VIRMA: variants seen among roughly 807,000 people sequenced by gnomAD.
VIRMA encodes the protein vir like m6A methyltransferase associated.
VIRMA carries 65 observed loss-of-function variants against 182.4 expected under a neutral mutation model. The ratio of observed to expected loss-of-function variants is 0.36; its 90% confidence interval spans 0.29 to 0.44. The LOEUF is 0.44. VIRMA is among the 20% of genes least tolerant of loss of function. The pLI, the probability that VIRMA is intolerant of heterozygous loss-of-function variation, is 1.00. For missense variants in VIRMA, 1,752 were observed against 2,158.1 expected (o/e 0.81, Z 3.73); for synonymous variants, 709 against 743.1 (o/e 0.95, Z 0.75).
chr8:94,509,302 G>A (rs886550583), intron 15 of VIRMA, among the ~76,000 whole-genome samples: 1 of 151,980 alleles, frequency 6.6e-6, no homozygotes, highest in Non-Finnish European at 1.5e-5. Context: ...TCAGGAGGCT[G>A]AGGCAGGAGA....
At chr8:94,503,674 G>A (rs1478827469) in intron 16 of VIRMA, among the ~76,000 whole-genome samples, 1 of 152,016 alleles carries the variant, frequency 6.6e-6, no homozygotes, top group Admixed American at 6.5e-5. Flanking sequence ...TCTTAGTTTT[G>A]GTAAGTATTA....
At chr8:94,540,676 G>A (rs1815519064) in intron 2 of VIRMA, among the ~76,000 whole-genome samples, 1 of 151,692 alleles carries the variant, frequency 6.6e-6, no homozygotes, top group African/African-American at 2.4e-5. Flanking sequence ...TGGCCAGGCT[G>A]GTCTCAAACT....
At chr8:94,523,581 T>G (rs1814847707) in intron 8 of VIRMA, among the ~76,000 whole-genome samples, 1 of 152,052 alleles carries the variant, frequency 6.6e-6, no homozygotes, top group Admixed American at 6.6e-5. Context: ...AGCTATTTTT[T>G]TTTTGATTTT....
intron 10 of VIRMA, among the ~76,000 whole-genome samples, chr8:94,516,390 T>C (rs886152532): frequency 6.6e-6 from 1 of 152,066 alleles, no homozygotes; most frequent in Non-Finnish European, 1.5e-5. Context: ...ACAAATACAA[T>C]CTGCCATTTA....
intron 19 of VIRMA, among the ~76,000 whole-genome samples, chr8:94,495,178 T>A (rs926473217): frequency 7.2e-5 from 11 of 152,038 alleles, no homozygotes; most frequent in East Asian, 1.9e-4. Flanking sequence ...TTAAAAAAAA[T>A]TTTTTTGTAG....
intron 15 of VIRMA, among the ~76,000 whole-genome samples, chr8:94,508,327 AC>A (rs1384676489): frequency 6.6e-6 from 1 of 152,034 alleles, no homozygotes; most frequent in Non-Finnish European, 1.5e-5. Flanking sequence ...CTCGTGATCC[AC>A]CCATCTCAGC....
intron 10 of VIRMA, among the ~76,000 whole-genome samples, chr8:94,517,149 G>A (rs1028245525): frequency 1.3e-5 from 2 of 152,166 alleles, no homozygotes; most frequent in Non-Finnish European, 2.9e-5. Flanking sequence ...TGTGTTTTAT[G>A]TAGAAATACA....
intron 16 of VIRMA, 46 bp from the exon 17 acceptor site, chr8:94,499,552 G>A (rs768849704): frequency 1.1e-5 from 14 of 1,281,266 alleles, no homozygotes; most frequent in Non-Finnish European, 1.5e-5. Flanking sequence ...TAAAATATGA[G>A]CATATAAAAC....
intron 20 of VIRMA, among the ~76,000 whole-genome samples, chr8:94,494,561 C>T: frequency 8.1e-6 from 1 of 124,212 alleles, no homozygotes; most frequent in Non-Finnish European, 1.6e-5. Context: ...CACTGCACTC[C>T]AGCCTGGGTG....
intron 6 of VIRMA, among the ~76,000 whole-genome samples, chr8:94,530,151 A>G (rs1815115475): frequency 6.6e-6 from 1 of 152,164 alleles, no homozygotes; most frequent in East Asian, 1.9e-4. Context: ...CTAACACTTT[A>G]TTTTGGCACA....
At chr8:94,544,364 T>A (rs1360413659) in intron 1 of VIRMA, among the ~76,000 whole-genome samples, 1 of 152,032 alleles carries the variant, frequency 6.6e-6, no homozygotes, top group Non-Finnish European at 1.5e-5. Flanking sequence ...GCCACACGTA[T>A]CAACATTCAC....
rs376540794 is a variant in VIRMA at position 94,545,716 on chromosome 8, G to A, written c.64-1774C>T. On this transcript the variant is annotated intron_variant, in intron 1 of 23. Coordinates refer to ENST00000297591, the MANE Select transcript of VIRMA (RefSeq NM_015496.5). ...CAGCCCAGGTTGTAGGCAAACAAGG[G>A]AGAAGGCATGCACAAAAGGAATGCA... Among the ~76,000 whole-genome samples, 23 of 152,244 alleles carry A rather than the reference G, an allele frequency of 1.5e-4. No individual in the cohort carries two copies. The East Asian group carries it at 3.1e-3, about 20-fold the overall frequency.
At chr8:94,495,432 CAAAT>C (rs951761931) in intron 19 of VIRMA, among the ~76,000 whole-genome samples, 7 of 151,676 alleles carry the variant, frequency 4.6e-5, no homozygotes, top group African/African-American at 1.5e-4. Context: ...TCCTCAAAAA[CAAAT>C]AACTTGAAAA....
Position 94,493,720 on chromosome 8 carries a change from C to A in VIRMA, c.4642-902G>T, listed in dbSNP as rs112441400. Among the ~76,000 whole-genome samples, 14 of 152,132 alleles carry A rather than the reference C, an allele frequency of 9.2e-5. No homozygotes were observed. The East Asian group carries it at 2.7e-3, about 29-fold the overall frequency. Reference sequence around the variant, plus strand: ...GGTTTTTTAAAAAAGGAAAAGCAGCCCTCAACACACTAAATACAAATGTGA... The same window carrying A: ...GGTTTTTTAAAAAAGGAAAAGCAGCACTCAACACACTAAATACAAATGTGA... On this transcript the variant is annotated intron_variant, in intron 20 of 23. Coordinates refer to ENST00000297591, the MANE Select transcript of VIRMA (RefSeq NM_015496.5).
At chr8:94,507,167 C>G (rs997390100) in intron 15 of VIRMA, among the ~76,000 whole-genome samples, 3 of 144,346 alleles carry the variant, frequency 2.1e-5, no homozygotes, top group Non-Finnish European at 4.5e-5. Flanking sequence ...CGGAGTTTCA[C>G]TCTTGTTGCC....
chr8:94,520,697 T>C (rs939257827), intron 8 of VIRMA, among the ~76,000 whole-genome samples: 10 of 152,232 alleles, frequency 6.6e-5, no homozygotes, highest in African/African-American at 2.4e-4. Context: ...CATCATTTTA[T>C]ATTTTATATC....
chr8:94,548,812 C>A (rs531133556), intron 1 of VIRMA, among the ~76,000 whole-genome samples: 1 of 152,278 alleles, frequency 6.6e-6, no homozygotes, highest in East Asian at 1.9e-4. Context: ...CATACCATCA[C>A]GCCTGGCTAA....
chr8:94,522,899 T>C (rs376331412), intron 8 of VIRMA, among the ~76,000 whole-genome samples: 1 of 152,302 alleles, frequency 6.6e-6, no homozygotes, highest in East Asian at 1.9e-4. Flanking sequence ...TACCTTTCCA[T>C]ATTCTACAAA....
In VIRMA at chr8:94,512,047, T is replaced by C. The variant is rs1387842645; in HGVS notation, c.2794A>G (p.Thr932Ala). 1 of 1,529,780 alleles carries C rather than the reference T, an allele frequency of 6.5e-7. No homozygotes were observed. The highest frequency in any genetic ancestry group is 2.5e-5 in the East Asian group (1 of 39,620). 94.8% of individuals were successfully genotyped at this position (1,529,780 alleles called of 1,614,324 possible). The change falls in exon 12 of 24, where the codon ACT becomes GCT. Residue 932 changes from threonine to alanine, a missense_variant. Around this residue, in one of 11 missense-constraint regions of VIRMA, gnomAD observed 777 missense variants for 920.6 expected, o/e 0.84. Coordinates refer to ENST00000297591, the MANE Select transcript of VIRMA (RefSeq NM_015496.5). ...ACATTACAGAGAACACGTAAGGCAGTGGTAAGGCCAACTCCTTCTGGGGTC... is the reference window on the plus strand; with the variant it reads ...ACATTACAGAGAACACGTAAGGCAGCGGTAAGGCCAACTCCTTCTGGGGTC... ...LMTPEGVGLT[T>A]ALRVLCNVAC...
Sources: allele counts gnomAD v4.1 joint callset (sites outside exome capture counted in the v4.1 genomes callset), GRCh38; gene constraint gnomAD v4.1.1; regional missense constraint gnomAD v4.1.1; transcripts MANE v1.5; gene names NCBI Gene and HGNC (gene_info 2026-07-23, HGNC 2026-07-21).